PTPRN2: variants seen among roughly 807,000 people sequenced by gnomAD.
PTPRN2 encodes the protein protein tyrosine phosphatase receptor type N2, also known as receptor-type tyrosine-protein phosphatase N2.
In PTPRN2, 74 loss-of-function variants were observed where a neutral mutation model predicts 118.8. That is an observed-to-expected ratio of 0.62 (90% CI 0.52 to 0.76). The LOEUF (loss-of-function observed/expected upper bound fraction) is 0.76. Ranked by LOEUF, PTPRN2 falls within the 30% of genes least tolerant of loss-of-function variation. The probability of loss-of-function intolerance (pLI) is 0.00; values close to 1 mark genes in which losing one functional copy is unlikely to be tolerated. For synonymous variants in PTPRN2, 641 were observed against 608.0 expected, an observed-to-expected ratio of 1.05 and a Z score of -0.80; for missense variants, 1,481 against 1,394.4, an observed-to-expected ratio of 1.06 and a Z score of -0.99.
intron 12 of PTPRN2, among the ~76,000 whole-genome samples, chr7:157,818,704 T>C (rs1806597717): frequency 6.7e-6 from 1 of 148,902 alleles, no homozygotes; most frequent in East Asian, 1.9e-4. Flanking sequence ...GAAGACAATA[T>C]AGTATTTACC....
intron 14 of PTPRN2, among the ~76,000 whole-genome samples, chr7:157,639,977 CTTGAGG>C (rs1804575546): frequency 6.6e-6 from 1 of 152,170 alleles, no homozygotes; most frequent in Admixed American, 6.5e-5. Flanking sequence ...CAAAAGCTCT[CTTGAGG>C]TTAATACTCT....
chr7:157,576,887 T>G, intron 18 of PTPRN2, 108 bp from the exon 19 acceptor site: 1 of 1,152,816 alleles, frequency 8.7e-7, no homozygotes, highest in South Asian at 1.6e-5. Flanking sequence ...AAGGGGGCGC[T>G]GCGAAGAGGG....
At chr7:157,966,827 A>G (rs920088186) in intron 11 of PTPRN2, among the ~76,000 whole-genome samples, 2 of 152,030 alleles carry the variant, frequency 1.3e-5, no homozygotes, top group Admixed American at 1.3e-4. Context: ...TATCACCATC[A>G]CCATTATCAC....
At chr7:158,001,643 G>A (rs987569221) in intron 11 of PTPRN2, among the ~76,000 whole-genome samples, 6 of 152,062 alleles carry the variant, frequency 3.9e-5, no homozygotes, top group Admixed American at 1.3e-4. Flanking sequence ...TAAAACGGCC[G>A]AAAACCATCA....
At chr7:157,552,653 C>T (rs370779524) in intron 21 of PTPRN2, among the ~76,000 whole-genome samples, 17 of 152,338 alleles carry the variant, frequency 1.1e-4, no homozygotes, top group Middle Eastern at 3.4e-3. Flanking sequence ...TAATTAAAAA[C>T]GTAAGATGTC....
At chr7:158,407,834 G>A (rs565965011) in intron 2 of PTPRN2, among the ~76,000 whole-genome samples, 2 of 152,338 alleles carry the variant, frequency 1.3e-5, no homozygotes, top group South Asian at 2.1e-4. Context: ...GCTCAGTGGA[G>A]GGACCATGAG....
intron 6 of PTPRN2, among the ~76,000 whole-genome samples, chr7:158,151,389 C>T (rs1474531438): frequency 6.7e-6 from 1 of 149,160 alleles, no homozygotes; most frequent in South Asian, 2.1e-4. Flanking sequence ...CCACACCGCC[C>T]GCCTTTCTAT....
chr7:157,787,897 C>A lies in PTPRN2; in HGVS notation c.1789-104960G>T, dbSNP rs977390249. 6.6e-5 allele frequency among the ~76,000 whole-genome samples: 10 copies of A among 152,188 alleles called. No individual in the cohort carries two copies. The highest frequency in any genetic ancestry group is 1.3e-4 in the Non-Finnish European group (9 of 68,022). On this transcript the variant is annotated intron_variant, in intron 12 of 22. Transcript: ENST00000389418. This position sits in a 1 kb window ranked among gnomAD's most constrained non-coding sequence, Gnocchi z 5.3. The stretch of plus-strand genomic sequence containing the variant: ...ACCCCCAGTGGATAAAAGCTGCTGG[C>A]AACATCGACGTCCCCAAGACACTGA...
At chr7:157,691,066 G>GTC (rs1669129140) in intron 12 of PTPRN2, among the ~76,000 whole-genome samples, 1 of 82,030 alleles carries the variant, frequency 1.2e-5, no homozygotes, top group African/African-American at 4.5e-5. Context: ...CTATAGCGAT[G>GTC]TCCCCCCCCC....
chr7:158,371,598 A>C (rs971161395), intron 2 of PTPRN2, among the ~76,000 whole-genome samples: 6 of 152,174 alleles, frequency 3.9e-5, no homozygotes. Context: ...CACGCTTGAG[A>C]GAGGAACTTT....
At chr7:157,569,502 T>G (rs1238498386) in intron 20 of PTPRN2, among the ~76,000 whole-genome samples, 2 of 152,238 alleles carry the variant, frequency 1.3e-5, no homozygotes, top group African/African-American at 4.8e-5. Context: ...GAAATTGACA[T>G]AACAGTCGTT....
intron 12 of PTPRN2, among the ~76,000 whole-genome samples, chr7:157,883,550 C>A (rs1379819611): frequency 6.7e-6 from 1 of 149,054 alleles, no homozygotes; most frequent in African/African-American, 2.5e-5. Context: ...CTAAAACCGA[C>A]TGTCAGAGAA....
intron 2 of PTPRN2, among the ~76,000 whole-genome samples, chr7:158,413,029 C>G (rs1814320845): frequency 6.6e-6 from 1 of 151,476 alleles, no homozygotes; most frequent in Non-Finnish European, 1.5e-5. Context: ...GTGGCCTCCT[C>G]AGCTCCAGGG....
At chr7:158,347,041 C>A (rs1840122) in intron 2 of PTPRN2, among the ~76,000 whole-genome samples, 138,188 of 152,256 alleles carry the variant, frequency 0.91, 62,951 homozygotes, top group Non-Finnish European at 0.95. Flanking sequence ...ATTTTCTCCC[C>A]ATCCTTAGGT....
intron 6 of PTPRN2, among the ~76,000 whole-genome samples, chr7:158,164,740 G>A (rs1822772488): frequency 6.6e-6 from 1 of 152,168 alleles, no homozygotes; most frequent in Admixed American, 6.5e-5. Context: ...AGAGAGAAAA[G>A]GGAGGTTAGA....
At chr7:157,937,642 G>T (rs1036805313) in intron 11 of PTPRN2, among the ~76,000 whole-genome samples, 2 of 152,238 alleles carry the variant, frequency 1.3e-5, no homozygotes, top group African/African-American at 4.8e-5. Context: ...CAAAGGTTCT[G>T]CCCCGGACTC....
chr7:157,875,787 C>A (rs1795725228), intron 12 of PTPRN2, among the ~76,000 whole-genome samples: 1 of 151,544 alleles, frequency 6.6e-6, no homozygotes, highest in African/African-American at 2.4e-5. Context: ...GCCAGGCATC[C>A]CCAGGGTGGG....
intron 11 of PTPRN2, among the ~76,000 whole-genome samples, chr7:157,950,349 G>A (rs539398411): frequency 1.9e-4 from 29 of 152,274 alleles, no homozygotes; most frequent in African/African-American, 6.0e-4. Context: ...TGCTGGTCCC[G>A]TCCTGCTCTA....
intron 1 of PTPRN2, among the ~76,000 whole-genome samples, chr7:158,576,438 C>T (rs1828320644): frequency 6.6e-6 from 1 of 152,226 alleles, no homozygotes; most frequent in Non-Finnish European, 1.5e-5. Flanking sequence ...ACATGAGGGG[C>T]CCTCTCGGGA....
Sources: allele counts gnomAD v4.1 joint callset (sites outside exome capture counted in the v4.1 genomes callset), GRCh38; gene constraint gnomAD v4.1.1; non-coding constraint Gnocchi (gnomAD v3.1); transcripts MANE v1.5; gene names NCBI Gene and HGNC (gene_info 2026-07-23, HGNC 2026-07-21).